Variants in RASAL3 observed in about 807,000 individuals in gnomAD.
The protein encoded by RASAL3 is RAS protein activator like 3.
Under a neutral mutation model 105.5 loss-of-function variants are expected in RASAL3, and 74 were observed. The ratio of observed to expected loss-of-function variants is 0.70; its 90% CI spans 0.58 to 0.85. RASAL3 has a LOEUF of 0.85. Among genes scored for constraint, RASAL3 ranks in the 40% least tolerant of loss-of-function variants. The pLI is 0.00. For synonymous variants in RASAL3, 579 were observed against 591.6 expected (o/e 0.98, Z 0.31); for missense variants, 1,352 against 1,392.0 (o/e 0.97, Z 0.46).
intron 2 of RASAL3, among the ~76,000 whole-genome samples, chr19:15,463,709 G>A (rs1447149592): frequency 2.0e-5 from 3 of 152,196 alleles, no homozygotes; most frequent in Non-Finnish European, 4.4e-5. Flanking sequence ...TGGATATCCA[G>A]GTAGGAAAGG....
Position 15,457,557 on chromosome 19 carries a change from T to A in RASAL3, c.1166A>T (p.Glu389Val). 3 of 1,162,762 alleles carry A rather than the reference T, an allele frequency of 2.6e-6. No individual in the cohort carries two copies. The South Asian group carries it at 7.7e-5, about 30-fold the overall frequency. 72.0% of individuals were successfully genotyped at this position (1,162,762 alleles called of 1,614,324 possible). A position where few individuals can be genotyped will look rare whatever the true frequency, so the allele number is the denominator to read the frequency against. The change falls in exon 9 of 18, where the codon GAG becomes GTG. Residue 389 changes from glutamate (E) to valine (V), a missense_variant. Coordinates refer to ENST00000343625, the MANE Select transcript of RASAL3 (RefSeq NM_022904.3). The surrounding 1 kb of genome is among the most constrained non-coding windows in gnomAD (Gnocchi z 8.6). Reference protein sequence around the residue: ...VLGRVALALEELDAPRAPAAG... With the variant: ...VLGRVALALEVLDAPRAPAAG... ...GGCAGGCGCGCGTGGGGCGTCCAGC[T>A]CCTCCAGCGCCAGGGCCACGCGGCC... is the stretch of plus-strand genomic sequence containing the variant.
Position 15,458,731 on chromosome 19 carries a change from G to A in RASAL3, c.663-76C>T, listed in dbSNP as rs934438983. The stretch of plus-strand genomic sequence containing the variant: ...CCCATAGCCTGAAGGGTAGAGGAAG[G>A]CCAGGAAGGACTTCAACCCAATTCG... On this transcript the variant is annotated intron_variant, in intron 6 of 17. Transcript: ENST00000343625. 7 of 1,532,474 alleles carry A rather than the reference G, an allele frequency of 4.6e-6. No homozygotes were observed. In the Admixed American group the frequency reaches 5.9e-5, roughly 13 times the overall value. 94.9% of individuals were successfully genotyped at this position (1,532,474 alleles called of 1,614,324 possible).
In RASAL3 at chr19:15,452,757, C is replaced by T. The variant is rs1388620349; in HGVS notation, c.2729G>A (p.Arg910His). The change falls in exon 16 of 18, where the codon CGC (arginine) becomes CAC (histidine). Residue 910 changes from arginine (R) to histidine (H), a missense_variant. Around this residue, in one of 3 missense-constraint regions of RASAL3, gnomAD observed 920 missense variants for 919.6 expected, o/e 1.00. Coordinates refer to ENST00000343625, the MANE Select transcript of RASAL3 (RefSeq NM_022904.3). ...TTGGGTGCTCAGCGACTCCACGAGG[C>T]GGGACAGCACTTTCTGCTCCTCACG... is the stretch of plus-strand genomic sequence containing the variant. ...ALREEQKVLS[R>H]LVESLSTQIR... 2 of 1,562,234 alleles carry T rather than the reference C, an allele frequency of 1.3e-6. No homozygotes were observed. Among genetic ancestry groups the T allele is most frequent in the Non-Finnish European group, 8.7e-7 (1 of 1,152,864 alleles).
At chr19:15,458,450 G>C (rs752673971) in intron 7 of RASAL3, 24 bp from the exon 8 acceptor site, 2 of 1,613,406 alleles carry the variant, frequency 1.2e-6, no homozygotes, top group Non-Finnish European at 1.7e-6. Context: ...GAATCCAACG[G>C]TGTGATCGAG....
In RASAL3 at chr19:15,453,288, T is replaced by C; in HGVS notation, c.2489A>G (p.Gln830Arg). 2.0e-6 allele frequency: 3 copies of C among 1,516,068 alleles called. No individual in the cohort carries two copies. Among genetic ancestry groups the C allele is most frequent in the Non-Finnish European group, 2.6e-6 (3 of 1,135,668 alleles). 93.9% of individuals were successfully genotyped at this position (1,516,068 alleles called of 1,614,324 possible). Residue 830 changes from glutamine (Q) to arginine (R), a missense_variant, in exon 15 of 18, where the codon CAA becomes CGA. Coordinates refer to ENST00000343625, the MANE Select transcript of RASAL3 (RefSeq NM_022904.3). This position sits in a 1 kb window ranked among gnomAD's most constrained non-coding sequence, Gnocchi z 4.2. ...VPVRRPARRR[Q>R]SAGPWPRPKG... Reference sequence around the variant, plus strand: ...GGGTCGCGGCCAGGGCCCCGCAGATTGGCGGCGGCGGGCAGGACGCCGGAC... The same window carrying C: ...GGGTCGCGGCCAGGGCCCCGCAGATCGGCGGCGGCGGGCAGGACGCCGGAC...
rs1425775486 is a variant in RASAL3 at position 15,456,353 on chromosome 19, C to CTT, written c.1577-107_1577-106dup. ...AGGTTATTCCGGAGGCACCCAACAT[C>CTT]TTGGGGAGCTCCCAATTGTCCCCAG... On this transcript the variant is annotated intron_variant, in intron 10 of 17. Transcript: ENST00000343625. This position sits in a 1 kb window ranked among gnomAD's most constrained non-coding sequence, Gnocchi z 4.4. The CTT allele has an allele frequency of 1.3e-6, 2 of 1,537,354 alleles. No homozygotes were observed. The highest frequency in any genetic ancestry group is 1.8e-6 in the Non-Finnish European group (2 of 1,135,768).
rs375319833 is a variant in RASAL3, at chr19:15,461,118, C to A, written c.548G>T (p.Arg183Leu). ...VAMGNFRDPD[R>L]MPGKTEPETA... Reference sequence around the variant, plus strand: ...CTCCGGTTCTGTTTTTCCAGGCATCCGATCTGTGGGTCGTTATGGGTGGCA... The same window carrying A: ...CTCCGGTTCTGTTTTTCCAGGCATCAGATCTGTGGGTCGTTATGGGTGGCA... Residue 183 changes from arginine to leucine, a missense_variant, in exon 5 of 18, where the codon CGG (arginine) becomes CTG (leucine). Physicochemically the swap from Arg to Leu is moderately radical, Grantham distance 102. Around this residue, in one of 3 missense-constraint regions of RASAL3, gnomAD observed 344 missense variants for 339.6 expected, o/e 1.01. Transcript: ENST00000343625. 6.2e-7 allele frequency: 1 copy of A among 1,613,860 alleles called. No individual in the cohort carries two copies. Among genetic ancestry groups the A allele is most frequent in the Non-Finnish European group, 8.5e-7 (1 of 1,179,868 alleles).
chr19:15,461,704 A>G, intron 2 of RASAL3, 97 bp from the exon 3 acceptor site: 8 of 1,412,658 alleles, frequency 5.7e-6, no homozygotes, highest in Non-Finnish European at 7.4e-6. Flanking sequence ...GTTCCCTCCT[A>G]GGTGCCCCCC....
At chr19:15,455,263 G>T (rs556460347) in intron 11 of RASAL3, among the ~76,000 whole-genome samples, 5 of 152,280 alleles carry the variant, frequency 3.3e-5, no homozygotes, top group African/African-American at 9.6e-5. Flanking sequence ...AAGATATAAA[G>T]TAGGATTGGG....
At position 15,464,387 on chromosome 19, in the gene RASAL3, G is replaced by C; in HGVS notation, c.-19-10C>G. On this transcript the variant is annotated splice_polypyrimidine_tract_variant and intron_variant, in intron 1 of 17. Coordinates refer to ENST00000343625, the MANE Select transcript of RASAL3 (RefSeq NM_022904.3). ...TGGGGGGGGGGGTCTCCTGGGGGACGAGAGAGTGACAGTAGTGCCCAGTGT... is the reference window on the plus strand; with the variant it reads ...TGGGGGGGGGGGTCTCCTGGGGGACCAGAGAGTGACAGTAGTGCCCAGTGT... The C allele has an allele frequency of 6.7e-7, 1 of 1,488,422 alleles. No homozygotes were observed. The highest frequency in any genetic ancestry group is 9.2e-7 in the Non-Finnish European group (1 of 1,083,036). The allele number at this position is 1,488,422 out of a possible 1,614,324, so 92.2% of individuals were successfully genotyped here. A position where few individuals can be genotyped will look rare whatever the true frequency, so the allele number is the denominator to read the frequency against.
At chr19:15,463,951 G>A (rs1193650595) in intron 2 of RASAL3, 80 bp downstream of exon 2, 7 of 1,318,622 alleles carry the variant, frequency 5.3e-6, no homozygotes, top group Non-Finnish European at 7.1e-6. Flanking sequence ...TGTCTGTATG[G>A]TTGATGCTCC....
chr19:15,456,439 G>T lies in RASAL3; in HGVS notation c.1576+63C>A. On this transcript the variant is annotated intron_variant, in intron 10 of 17. Transcript: ENST00000343625. The surrounding 1 kb of genome is among the most constrained non-coding windows in gnomAD (Gnocchi z 4.4). ...AATCCAGGTTGCTCAAGGACTCTTA[G>T]AACTTCACCCAGGTCCCCTAGCTCA... The T allele has an allele frequency of 1.3e-6, 2 of 1,597,940 alleles. No homozygotes were observed. The highest frequency in any genetic ancestry group is 2.7e-5 in the African/African-American group (2 of 74,668).
intron 16 of RASAL3, 36 bp downstream of exon 16, chr19:15,452,622 C>G: frequency 6.7e-7 from 1 of 1,481,848 alleles, no homozygotes; most frequent in Non-Finnish European, 9.0e-7. Flanking sequence ...ATCGGGCCCA[C>G]CTGGGGGCGG....
In RASAL3 at chr19:15,457,690, C is replaced by T. The variant is rs1970370061; in HGVS notation, c.1033G>A (p.Gly345Ser). Reference protein sequence around the residue: ...ALLARTAPRAGPGQLFWAERF... With the variant: ...ALLARTAPRASPGQLFWAERF... ...TCGGCCCAGAAGAGCTGGCCTGGGC[C>T]GGCCCGAGGCGCCGTGCGTGCCAGC... The change falls in exon 9 of 18, where the codon GGC becomes AGC. Residue 345 changes from glycine to serine, a missense_variant. By Grantham distance (56) the Gly-to-Ser change is moderately conservative. Around this residue, in one of 3 missense-constraint regions of RASAL3, gnomAD observed 88 missense variants for 132.7 expected, o/e 0.66. Transcript: ENST00000343625. This position sits in a 1 kb window ranked among gnomAD's most constrained non-coding sequence, Gnocchi z 8.6. 1 of 1,454,474 alleles carries T rather than the reference C, an allele frequency of 6.9e-7. No individual in the cohort carries two copies. The allele number at this position is 1,454,474 out of a possible 1,614,324, so 90.1% of individuals were successfully genotyped here.
At chr19:15,458,166 G>T (rs2062745898) in intron 8 of RASAL3, 162 bp downstream of exon 8, 1 of 689,188 alleles carries the variant, frequency 1.5e-6, no homozygotes, top group South Asian at 1.8e-5. Context: ...CCCGGGGCTG[G>T]TAATAGATGG....
chr19:15,464,376 T>A lies in RASAL3; in HGVS notation c.-18A>T. 6 of 786,392 alleles carry A rather than the reference T, an allele frequency of 7.6e-6. No individual in the cohort carries two copies. Among genetic ancestry groups the A allele is most frequent in the Non-Finnish European group, 1.3e-5 (6 of 476,564 alleles). The allele number at this position is 786,392 out of a possible 1,614,324, so 48.7% of individuals were successfully genotyped here. On this transcript the variant is annotated splice_region_variant and 5_prime_UTR_variant, in exon 2 of 18. Transcript: ENST00000343625. ...GGGTCCATGGTTGGGGGGGGGGGTC[T>A]CCTGGGGGACGAGAGAGTGACAGTA... is the stretch of plus-strand genomic sequence containing the variant.
Position 15,464,068 on chromosome 19 carries a change from C to A in RASAL3, c.291G>T (p.Pro97=), listed in dbSNP as rs1444647524. ...KALWGRHKNP[P]PEPDPEPEQE... Reference sequence around the variant, plus strand: ...GCTCCGGCTCCGGGTCTGGCTCCGGCGGTGGGTTCTTATGCCTCCCCCAGA... The same window carrying A: ...GCTCCGGCTCCGGGTCTGGCTCCGGAGGTGGGTTCTTATGCCTCCCCCAGA... The change falls in exon 2 of 18, where the codon CCG becomes CCT. Residue 97 remains proline (P), a synonymous_variant. Transcript: ENST00000343625. 2 of 1,587,270 alleles carry A rather than the reference C, an allele frequency of 1.3e-6. No homozygotes were observed. The highest frequency in any genetic ancestry group is 1.7e-6 in the Non-Finnish European group (2 of 1,163,704).
Position 15,454,152 on chromosome 19 carries a change from G to A in RASAL3, c.2276C>T (p.Ser759Phe), listed in dbSNP as rs1315582436. The stretch of plus-strand genomic sequence containing the variant: ...CCCAGACCAGACTTGAGGTTACCTG[G>A]AGTGGACCTGGGCCGGGGGCAGTGG... ...RLPLPPAQVH[S>F]SLSAGEKPGF... The change falls in exon 14 of 18, where the codon TCC becomes TTC. Residue 759 changes from serine (S) to phenylalanine (F), a missense_variant. By Grantham distance (155) the Ser-to-Phe change is radical. Coordinates refer to ENST00000343625, the MANE Select transcript of RASAL3 (RefSeq NM_022904.3). The A allele has an allele frequency of 6.4e-7, 1 of 1,558,324 alleles. No individual in the cohort carries two copies. Among genetic ancestry groups the A allele is most frequent in the African/African-American group, 1.4e-5 (1 of 73,508 alleles).
In RASAL3 at chr19:15,451,817, C is replaced by T. The variant is rs1165608015; in HGVS notation, c.3014G>A (p.Cys1005Tyr). 1.3e-5 allele frequency: 21 copies of T among 1,600,682 alleles called. No homozygotes were observed. Among genetic ancestry groups the T allele is most frequent in the Non-Finnish European group, 1.8e-5 (21 of 1,170,394 alleles). Reference sequence around the variant, plus strand: ...AGCTCAGGTGGTGTCTCCATTGAGGCAGGGTGCTTTGAGGGGCTGGGGTTG... The same window carrying T: ...AGCTCAGGTGGTGTCTCCATTGAGGTAGGGTGCTTTGAGGGGCTGGGGTTG... ...WSQPQPLKAP[C>Y]LNGDTT is the part of the protein sequence containing the mutation. Residue 1005 changes from cysteine (C) to tyrosine (Y), a missense_variant, in exon 18 of 18, where the codon TGC becomes TAC. By Grantham distance (194) the Cys-to-Tyr change is radical. This residue lies in a region of RASAL3 where 920 missense variants were observed against 919.6 expected (regional missense o/e 1.00). Transcript: ENST00000343625.
Sources: allele counts gnomAD v4.1 joint callset (sites outside exome capture counted in the v4.1 genomes callset), GRCh38; gene constraint gnomAD v4.1.1; regional missense constraint gnomAD v4.1.1; non-coding constraint Gnocchi (gnomAD v3.1); transcripts MANE v1.5; gene names NCBI Gene and HGNC (gene_info 2026-07-23, HGNC 2026-07-21).